GLI3: variants seen among roughly 807,000 people sequenced by gnomAD.
The protein encoded by GLI3 is GLI family zinc finger 3, also known as transcription activator GLI3.
GLI3 carries 20 observed loss-of-function variants against 100.8 expected under a neutral mutation model. That is an observed-to-expected ratio of 0.20 (90% CI 0.14 to 0.29). The LOEUF (loss-of-function observed/expected upper bound fraction) is 0.29, where lower values mean the gene tolerates loss of function less well. Among genes scored for constraint, GLI3 ranks in the 10% least tolerant of loss-of-function variants. The pLI is 1.00. For missense variants in GLI3, 2,040 were observed against 2,128.5 expected (o/e 0.96, Z 0.82); for synonymous variants, 938 against 860.5 (o/e 1.09, Z -1.58).
chr7:42,007,000 A>T (rs1031441984), intron 10 of GLI3, among the ~76,000 whole-genome samples: 1 of 152,160 alleles, frequency 6.6e-6, no homozygotes, highest in African/African-American at 2.4e-5. Flanking sequence ...TGGGTTCCAC[A>T]GGCAGCAGGT....
At chr7:42,207,584 A>G (rs375161727) in intron 2 of GLI3, among the ~76,000 whole-genome samples, 2 of 152,270 alleles carry the variant, frequency 1.3e-5, no homozygotes, top group Middle Eastern at 3.4e-3. Context: ...TTTTTTTGGA[A>G]GGAATTTCAT....
chr7:42,181,404 C>T (rs1219298265), intron 2 of GLI3, among the ~76,000 whole-genome samples: 1 of 151,854 alleles, frequency 6.6e-6, no homozygotes, highest in East Asian at 1.9e-4. Flanking sequence ...AGTTCAAGAC[C>T]AGCTTGGGCA....
At chr7:42,216,695 C>A (rs1208895732) in intron 2 of GLI3, among the ~76,000 whole-genome samples, 1 of 152,124 alleles carries the variant, frequency 6.6e-6, no homozygotes, top group Non-Finnish European at 1.5e-5. Context: ...ATAAAAAAAT[C>A]TAGTGTTATA....
chr7:42,186,380 G>A (rs569355055), intron 2 of GLI3, among the ~76,000 whole-genome samples: 8 of 152,290 alleles, frequency 5.3e-5, no homozygotes, highest in South Asian at 2.1e-4. Context: ...CGTGCCTGGC[G>A]TATAGCAGGT....
rs1182112270 is a variant in GLI3 at position 42,045,512 on chromosome 7, C to G, written c.698G>C (p.Ser233Thr). 6.2e-7 allele frequency: 1 copy of G among 1,614,066 alleles called. No homozygotes were observed. The highest frequency in any genetic ancestry group is 1.7e-5 in the Admixed American group (1 of 60,022). The change falls in exon 6 of 15, where the codon AGC becomes ACC. Residue 233 changes from serine (S) to threonine (T), a missense_variant. Transcript: ENST00000395925. ...CATCTGATGATAGTATTCTGCTGGGCTGACTCCTGCATGGGGCGCTAGGAG... is the reference window on the plus strand; with the variant it reads ...CATCTGATGATAGTATTCTGCTGGGGTGACTCCTGCATGGGGCGCTAGGAG... ...SPTDAPHAGVSPAEYYHQMAL... is the reference protein window; with the variant it reads ...SPTDAPHAGVTPAEYYHQMAL...
At chr7:42,197,283 A>G (rs1787946095) in intron 2 of GLI3, among the ~76,000 whole-genome samples, 2 of 152,230 alleles carry the variant, frequency 1.3e-5, no homozygotes, top group African/African-American at 4.8e-5. Context: ...TGACATAAAA[A>G]TCACTCCATT....
intron 10 of GLI3, among the ~76,000 whole-genome samples, chr7:41,985,345 C>A (rs900953634): frequency 6.6e-6 from 1 of 152,048 alleles, no homozygotes; most frequent in Non-Finnish European, 1.5e-5. Flanking sequence ...GAACAGGATT[C>A]GATAATTTGA....
chr7:42,017,112 C>T (rs1018233281), intron 10 of GLI3, among the ~76,000 whole-genome samples: 1 of 152,190 alleles, frequency 6.6e-6, no homozygotes, highest in South Asian at 2.1e-4. Context: ...TTGTACTTTT[C>T]CTAATAAACA....
intron 2 of GLI3, among the ~76,000 whole-genome samples, chr7:42,199,274 A>T (rs1173485551): frequency 6.6e-6 from 1 of 152,242 alleles, no homozygotes; most frequent in Non-Finnish European, 1.5e-5. Flanking sequence ...TTTGGAGCAG[A>T]TGAAAATTTT....
chr7:42,024,488 G>T (rs1216441982), intron 9 of GLI3, among the ~76,000 whole-genome samples: 2 of 152,192 alleles, frequency 1.3e-5, no homozygotes, highest in Non-Finnish European at 2.9e-5. Flanking sequence ...ATTTGGGCAA[G>T]CAGTCTGAGG....
chr7:42,105,744 C>T (rs1480549667), intron 3 of GLI3, among the ~76,000 whole-genome samples: 1 of 152,054 alleles, frequency 6.6e-6, no homozygotes, highest in Non-Finnish European at 1.5e-5. Flanking sequence ...TGTGTGTGTC[C>T]AGTGCTAGCC....
At chr7:42,256,825 G>A (rs888624781) in intron 1 of GLI3, among the ~76,000 whole-genome samples, 1 of 152,130 alleles carries the variant, frequency 6.6e-6, no homozygotes, top group Non-Finnish European at 1.5e-5. Flanking sequence ...AATGCCAATG[G>A]AAATTTTGAT....
rs201117305 is a variant in GLI3, at chr7:42,246,078, ACT to A, written c.-43+17914_-43+17915del. ...CTTGGACAGAGGCCCACTGCAGGAA[ACT>A]CTGAAAAACCACTGTGCTAGGCACC... On this transcript the variant is annotated intron_variant, in intron 1 of 2. Transcript: ENST00000678978. 6.1e-3 allele frequency among the ~76,000 whole-genome samples: 930 copies of A among 152,162 alleles called. 3 individuals are homozygous for A. The highest frequency in any genetic ancestry group is 9.5e-3 in the Non-Finnish European group (645 of 67,994).
chr7:41,988,453 A>C (rs576821206), intron 10 of GLI3, among the ~76,000 whole-genome samples: 1 of 109,424 alleles, frequency 9.1e-6, no homozygotes, highest in South Asian at 4.1e-4. Flanking sequence ...ATAAGAATGA[A>C]ACTCCATCTC....
chr7:42,116,903 C>G (rs964420751), intron 3 of GLI3, among the ~76,000 whole-genome samples: 7 of 152,034 alleles, frequency 4.6e-5, no homozygotes, highest in Non-Finnish European at 1.0e-4. Context: ...CAGCTACTTA[C>G]GGCAATTCTC....
chr7:42,175,633 A>C (rs1340627231), intron 2 of GLI3, among the ~76,000 whole-genome samples: 1 of 152,054 alleles, frequency 6.6e-6, no homozygotes, highest in Admixed American at 6.5e-5. Flanking sequence ...AAAAAAAAGA[A>C]ATGACAGTAG....
intron 10 of GLI3, among the ~76,000 whole-genome samples, chr7:42,005,894 T>C (rs1174137931): frequency 6.6e-6 from 1 of 152,096 alleles, no homozygotes; most frequent in Non-Finnish European, 1.5e-5. Context: ...GAGGCTGTTT[T>C]CAGGGCGTGA....
chr7:42,209,352 C>G (rs1436974962), intron 2 of GLI3, among the ~76,000 whole-genome samples: 1 of 152,110 alleles, frequency 6.6e-6, no homozygotes, highest in African/African-American at 2.4e-5. Flanking sequence ...TGCCTGGTCT[C>G]TGGAATAGTA....
intron 10 of GLI3, among the ~76,000 whole-genome samples, chr7:42,008,250 C>A (rs1006796925): frequency 6.6e-5 from 10 of 152,132 alleles, no homozygotes; most frequent in Non-Finnish European, 1.5e-4. Flanking sequence ...GAGGACAATT[C>A]GGTTTTCCTT....
Sources: gnomAD v4.1 joint callset for allele counts (sites outside exome capture counted in the v4.1 genomes callset) on GRCh38, gnomAD v4.1.1 for gene constraint, MANE v1.5 for transcripts, NCBI Gene and HGNC (gene_info 2026-07-23, HGNC 2026-07-21) for gene names.